The following NXPE4 variants were observed in gnomAD, a reference collection of about 807,000 sequenced individuals.
NXPE4 encodes the protein neurexophilin and PC-esterase domain family member 4.
In NXPE4, 42 loss-of-function variants were observed where a neutral mutation model predicts 33.3. That is an observed-to-expected ratio of 1.26 (90% CI 0.98 to 1.63). The LOEUF is 1.63. Among genes scored for constraint, NXPE4 ranks in the 40% most tolerant of loss-of-function variants. NXPE4 has a pLI of 0.00. For synonymous variants in NXPE4, 253 were observed against 234.9 expected, an observed-to-expected ratio of 1.08 and a Z score of -0.71; for missense variants, 709 against 647.6, an observed-to-expected ratio of 1.09 and a Z score of -1.03.
At chr11:114,604,733 C>T in the NXPE4 span, among the ~76,000 whole-genome samples, 22 of 151,300 alleles carry the variant, frequency 1.5e-4, no homozygotes, top group Admixed American at 5.3e-4. Flanking sequence ...CACTGTTACT[C>T]GGTGGATAAT....
chr11:114,625,493 G>C, the NXPE4 span, among the ~76,000 whole-genome samples: 1 of 151,882 alleles, frequency 6.6e-6, no homozygotes, highest in South Asian at 2.1e-4. Context: ...GTATGGCCTC[G>C]TGGGTAACCA....
chr11:114,664,702 G>A, the NXPE4 span, among the ~76,000 whole-genome samples: 1 of 152,176 alleles, frequency 6.6e-6, no homozygotes, highest in African/African-American at 2.4e-5. Flanking sequence ...TGGTGCAAAA[G>A]TGATAAGCAT....
chr11:114,574,873 G>A (rs1161487428), intron 5 of NXPE4, among the ~76,000 whole-genome samples: 2 of 151,794 alleles, frequency 1.3e-5, no homozygotes, highest in East Asian at 1.9e-4. Context: ...CTCAACCAGG[G>A]AAGGACACAA....
At chr11:114,662,497 T>A in the NXPE4 span, among the ~76,000 whole-genome samples, 1 of 152,166 alleles carries the variant, frequency 6.6e-6, no homozygotes, top group African/African-American at 2.4e-5. Context: ...GATGAGCTGC[T>A]ACTAGTGCTG....
the NXPE4 span, among the ~76,000 whole-genome samples, chr11:114,606,965 T>C: frequency 1.9e-3 from 287 of 152,078 alleles, 3 homozygotes; most frequent in African/African-American, 5.5e-3. Context: ...TAATAAGTGT[T>C]GCCTTGTGGG....
At chr11:114,675,655 G>T in the NXPE4 span, among the ~76,000 whole-genome samples, 1 of 151,828 alleles carries the variant, frequency 6.6e-6, no homozygotes, top group Non-Finnish European at 1.5e-5. Flanking sequence ...AATTAATATT[G>T]TTAAAATGTC....
intron 2 of NXPE4, among the ~76,000 whole-genome samples, chr11:114,590,962 C>A (rs1949437459): frequency 6.6e-6 from 1 of 152,108 alleles, no homozygotes; most frequent in African/African-American, 2.4e-5. Context: ...TTGCCTAAAC[C>A]CAGCCACTTT....
At chr11:114,606,181 G>C in the NXPE4 span, among the ~76,000 whole-genome samples, 3 of 151,804 alleles carry the variant, frequency 2.0e-5, no homozygotes, top group Non-Finnish European at 4.4e-5. Context: ...TGCCTTGTGG[G>C]TAATCACAGT....
At chr11:114,646,092 A>T in the NXPE4 span, among the ~76,000 whole-genome samples, 1 of 152,006 alleles carries the variant, frequency 6.6e-6, no homozygotes, top group Non-Finnish European at 1.5e-5. Context: ...CTTCCCTTCA[A>T]CTTCTTTTAT....
the NXPE4 span, among the ~76,000 whole-genome samples, chr11:114,671,479 C>T: frequency 2.6e-5 from 4 of 151,706 alleles, no homozygotes; most frequent in South Asian, 2.1e-4. Flanking sequence ...AAATCCACAC[C>T]CAGACACATC....
At chr11:114,577,002 T>C in intron 5 of NXPE4, among the ~76,000 whole-genome samples, 1 of 37,578 alleles carries the variant, frequency 2.7e-5, no homozygotes, top group African/African-American at 1.4e-4. Flanking sequence ...CATATATATA[T>C]ATAAAGTTAT....
At position 114,570,822 on chromosome 11, in the gene NXPE4, T is replaced by C; in HGVS notation, c.*116A>G. On this transcript the variant is annotated 3_prime_UTR_variant, in exon 6 of 6. Coordinates refer to ENST00000375478, the MANE Select transcript of NXPE4 (RefSeq NM_001077639.2). ...GGTGGCTTATGGATCAGCCATAATG[T>C]AGATTCTCTGCTCTTGCTAGTTGGG... 1.5e-6 allele frequency: 1 copy of C among 668,934 alleles called. No homozygotes were observed. The highest frequency in any genetic ancestry group is 2.5e-6 in the Non-Finnish European group (1 of 395,774). 41.4% of individuals were successfully genotyped at this position (668,934 alleles called of 1,614,324 possible). A position where few individuals can be genotyped will look rare whatever the true frequency, so the allele number is the denominator to read the frequency against.
At chr11:114,631,650 G>T in the NXPE4 span, among the ~76,000 whole-genome samples, 1 of 151,860 alleles carries the variant, frequency 6.6e-6, no homozygotes, top group Non-Finnish European at 1.5e-5. Flanking sequence ...TTGTGCACAG[G>T]TACCCTAAAA....
chr11:114,652,486 C>T, the NXPE4 span, among the ~76,000 whole-genome samples: 3 of 152,120 alleles, frequency 2.0e-5, no homozygotes, highest in Admixed American at 1.3e-4. Context: ...ACACAATTCT[C>T]TACTATATAA....
the NXPE4 span, among the ~76,000 whole-genome samples, chr11:114,612,057 G>T: frequency 2.0e-5 from 3 of 151,870 alleles, no homozygotes; most frequent in African/African-American, 7.2e-5. Flanking sequence ...GTTGCCTCGT[G>T]GGTAACCACT....
chr11:114,663,678 TTATCTATCTATCTATC>T, the NXPE4 span, among the ~76,000 whole-genome samples: 8 of 145,940 alleles, frequency 5.5e-5, no homozygotes, highest in African/African-American at 2.1e-4. Context: ...ATCTATCTAT[TTATCTATCTATCTATC>T]TATCTATCTA....
intron 5 of NXPE4, among the ~76,000 whole-genome samples, chr11:114,577,604 G>A (rs924039900): frequency 6.6e-6 from 1 of 152,102 alleles, no homozygotes; most frequent in Admixed American, 6.6e-5. Context: ...TTACGTGCAC[G>A]CCACCTTATA....
chr11:114,629,822 G>C, the NXPE4 span, among the ~76,000 whole-genome samples: 26,223 of 150,106 alleles, frequency 0.17, 2,551 homozygotes, highest in African/African-American at 0.24. Flanking sequence ...CTTCAGCAAA[G>C]TCTCAGGATA....
chr11:114,621,940 C>A, the NXPE4 span, among the ~76,000 whole-genome samples: 1 of 151,936 alleles, frequency 6.6e-6, no homozygotes, highest in South Asian at 2.1e-4. Flanking sequence ...TCATGGGTAA[C>A]ACCTGTTACC....
Sources: allele counts gnomAD v4.1 joint callset (sites outside exome capture counted in the v4.1 genomes callset), GRCh38; gene constraint gnomAD v4.1.1; transcripts MANE v1.5; gene names NCBI Gene and HGNC (gene_info 2026-07-23, HGNC 2026-07-21).